The following HS2ST1 variants were observed in gnomAD, a reference collection of about 807,000 sequenced individuals.
HS2ST1 encodes the protein 2-O-sulfotransferase.
HS2ST1 carries 18 observed loss-of-function variants against 42.9 expected under a neutral mutation model. The observed-to-expected ratio is 0.42, with a 90% CI of 0.29 to 0.62. HS2ST1 has a LOEUF of 0.62. Ranked by LOEUF, HS2ST1 falls within the 20% of genes least tolerant of loss-of-function variation. The pLI, the probability that HS2ST1 is intolerant of heterozygous loss-of-function variation, is 0.21. For synonymous variants in HS2ST1, 146 were observed against 152.9 expected (o/e 0.95, Z 0.33); for missense variants, 334 against 433.8 (o/e 0.77, Z 2.04).
chr1:87,088,206 CTT>C (rs1390505912), intron 3 of HS2ST1, among the ~76,000 whole-genome samples: 1 of 152,018 alleles, frequency 6.6e-6, no homozygotes, highest in African/African-American at 2.4e-5. Context: ...GTATAAGACT[CTT>C]AGCCTCCATT....
chr1:87,009,038 T>A (rs1649518249), intron 1 of HS2ST1, among the ~76,000 whole-genome samples: 1 of 152,082 alleles, frequency 6.6e-6, no homozygotes, highest in African/African-American at 2.4e-5. Context: ...GAGATGAGAT[T>A]TTACCATGTT....
chr1:86,953,240 T>C (rs1647575169), intron 1 of HS2ST1, among the ~76,000 whole-genome samples: 3 of 152,230 alleles, frequency 2.0e-5, no homozygotes, highest in African/African-American at 7.2e-5. Context: ...TGCTCTGGGG[T>C]AGGCTTTGAC....
chr1:87,018,153 C>CACACAG (rs1649817367), intron 1 of HS2ST1, among the ~76,000 whole-genome samples: 1 of 151,256 alleles, frequency 6.6e-6, no homozygotes, highest in African/African-American at 2.4e-5. Context: ...CACACACACA[C>CACACAG]ACACACACAC....
chr1:86,963,925 G>A (rs1408596270), intron 1 of HS2ST1, among the ~76,000 whole-genome samples: 1 of 150,968 alleles, frequency 6.6e-6, no homozygotes, highest in African/African-American at 2.4e-5. Flanking sequence ...GGACGGGGCG[G>A]CTGCTGGGCG....
chr1:87,087,071 A>C (rs1651833897), intron 3 of HS2ST1, among the ~76,000 whole-genome samples: 1 of 152,066 alleles, frequency 6.6e-6, no homozygotes, highest in African/African-American at 2.4e-5. Flanking sequence ...TGTAATTACC[A>C]GTTCATGAAG....
chr1:87,006,357 C>A (rs1012268882), intron 1 of HS2ST1, among the ~76,000 whole-genome samples: 1 of 152,080 alleles, frequency 6.6e-6, no homozygotes, highest in Admixed American at 6.6e-5. Context: ...TTTATTATTA[C>A]AGCACAACCC....
At chr1:87,045,923 A>G (rs1650646333) in intron 1 of HS2ST1, 1 of 702,550 alleles carries the variant, frequency 1.4e-6, no homozygotes, top group Non-Finnish European at 2.7e-6. Flanking sequence ...TCCCACGTCG[A>G]CCTGATTGAT....
At chr1:86,943,310 T>C (rs907669523) in intron 1 of HS2ST1, among the ~76,000 whole-genome samples, 2 of 152,194 alleles carry the variant, frequency 1.3e-5, no homozygotes, top group Admixed American at 1.3e-4. Context: ...TGGATTCCAA[T>C]TGAAACGAGA....
chr1:86,991,274 T>G (rs1478482035), intron 1 of HS2ST1, among the ~76,000 whole-genome samples: 1 of 152,096 alleles, frequency 6.6e-6, no homozygotes, highest in Non-Finnish European at 1.5e-5. Flanking sequence ...AAGGAATGAT[T>G]TGCAAATCTG....
intron 1 of HS2ST1, among the ~76,000 whole-genome samples, chr1:87,050,362 T>G (rs141707080): frequency 5.5e-4 from 83 of 152,098 alleles, no homozygotes; most frequent in African/African-American, 1.8e-3. Context: ...TTTTCTTTAT[T>G]TTTCGAACTT....
chr1:87,014,295 G>A (rs1021492564), intron 1 of HS2ST1, among the ~76,000 whole-genome samples: 1 of 152,176 alleles, frequency 6.6e-6, no homozygotes, highest in African/African-American at 2.4e-5. Flanking sequence ...AGCAAGACAT[G>A]TATTACTTGG....
At chr1:87,065,190 A>G (rs367976612) in intron 1 of HS2ST1, among the ~76,000 whole-genome samples, 277 of 152,296 alleles carry the variant, frequency 1.8e-3, no homozygotes, top group Non-Finnish European at 3.2e-3. Context: ...TATTCATTTT[A>G]TGGGGAATGA....
intron 1 of HS2ST1, among the ~76,000 whole-genome samples, chr1:86,963,837 TGCCCCCCACCTCCCGCCC>T (rs1366328154): frequency 1.8e-4 from 25 of 137,044 alleles, no homozygotes; most frequent in Non-Finnish European, 3.3e-4. Flanking sequence ...GGGCGGGGGC[TGCCCCCCACCTCCCGCCC>T]GGACGGGGTG....
At chr1:87,104,380 T>C (rs909117884) in intron 6 of HS2ST1, 90 bp from the exon 7 acceptor site, 2 of 808,610 alleles carry the variant, frequency 2.5e-6, no homozygotes, top group Non-Finnish European at 4.1e-6. Flanking sequence ...ATGTGTCATA[T>C]TAACCACCTC....
chr1:86,944,334 T>C (rs1647266976), intron 1 of HS2ST1, among the ~76,000 whole-genome samples: 1 of 152,136 alleles, frequency 6.6e-6, no homozygotes, highest in Non-Finnish European at 1.5e-5. Flanking sequence ...TTTGGCCTAG[T>C]GATTTTTAAA....
At chr1:87,049,652 A>C (rs1182081242) in intron 1 of HS2ST1, among the ~76,000 whole-genome samples, 1 of 152,042 alleles carries the variant, frequency 6.6e-6, no homozygotes, top group Non-Finnish European at 1.5e-5. Flanking sequence ...AGTACTTTCA[A>C]ATATTTTGAA....
rs138991958 is a variant in HS2ST1 at position 87,040,575 on chromosome 1, A to AG, written c.125-32357dup. On this transcript the variant is annotated intron_variant, in intron 1 of 6. Coordinates refer to ENST00000370550, the MANE Select transcript of HS2ST1 (RefSeq NM_012262.4). Reference sequence around the variant, plus strand: ...AGGCTAGGCATAACTTATCCAGGTGAGGACAGGTACTAGAAGGAAGTGAGA... The same window carrying AG: ...AGGCTAGGCATAACTTATCCAGGTGAGGGACAGGTACTAGAAGGAAGTGAGA... Among the ~76,000 whole-genome samples the AG allele has an allele frequency of 1.6e-3, 237 of 152,244 alleles. 5 individuals carry two copies. The East Asian group carries it at 0.032, about 20-fold the overall frequency.
At chr1:86,928,953 T>A (rs564097753) in intron 1 of HS2ST1, among the ~76,000 whole-genome samples, 1 of 152,062 alleles carries the variant, frequency 6.6e-6, no homozygotes, top group Non-Finnish European at 1.5e-5. Flanking sequence ...GTGTGCCCTT[T>A]TTCTTTTACC....
Position 87,107,245 on chromosome 1 carries a change from C to T in HS2ST1, c.*2549C>T, listed in dbSNP as rs1268368889. The T allele has an allele frequency of 2.6e-5, 4 of 151,958 alleles. No homozygotes were observed. Among genetic ancestry groups the T allele is most frequent in the Non-Finnish European group, 4.4e-5 (3 of 67,910 alleles). 9.4% of individuals were successfully genotyped at this position (151,958 alleles called of 1,614,324 possible). On this transcript the variant is annotated 3_prime_UTR_variant, in exon 7 of 7. Transcript: ENST00000370550. ...ATATCCAAAGAATTGCTTTCTGATT[C>T]GTGTAGTCTCTCCCACAGATTCATA...
Sources: allele counts gnomAD v4.1 joint callset (sites outside exome capture counted in the v4.1 genomes callset), GRCh38; gene constraint gnomAD v4.1.1; transcripts MANE v1.5; gene names NCBI Gene and HGNC (gene_info 2026-07-23, HGNC 2026-07-21).